DSCAML1: variants seen among roughly 807,000 people sequenced by gnomAD.
DSCAML1 encodes DS cell adhesion molecule like 1, also known as cell adhesion molecule DSCAML1.
In DSCAML1, 38 loss-of-function variants were observed where a neutral mutation model predicts 200.5. The ratio of observed to expected loss-of-function variants is 0.19; its 90% CI spans 0.15 to 0.25. The LOEUF is 0.25. DSCAML1 is among the 10% of genes least tolerant of loss of function. The pLI is 1.00. For synonymous variants in DSCAML1, 1,215 were observed against 1,165.0 expected, an observed-to-expected ratio of 1.04 and a Z score of -0.87; for missense variants, 2,223 against 2,858.8, an observed-to-expected ratio of 0.78 and a Z score of 5.07.
intron 21 of DSCAML1, among the ~76,000 whole-genome samples, chr11:117,443,103 T>C (rs1478366401): frequency 1.3e-5 from 2 of 152,226 alleles, no homozygotes; most frequent in East Asian, 3.9e-4. Context: ...TCGTCTGGGC[T>C]GCGGTGGATA....
intron 3 of DSCAML1, among the ~76,000 whole-genome samples, chr11:117,665,404 T>G (rs2052955444): frequency 6.6e-6 from 1 of 152,218 alleles, no homozygotes; most frequent in Non-Finnish European, 1.5e-5. Flanking sequence ...TAACCCTTCC[T>G]GTGGGCACAG....
At chr11:117,627,239 C>T (rs779370891) in intron 3 of DSCAML1, among the ~76,000 whole-genome samples, 25 of 152,154 alleles carry the variant, frequency 1.6e-4, no homozygotes, top group Non-Finnish European at 3.1e-4. Flanking sequence ...TTTTCCCTTC[C>T]GCCCCCGGTC....
intron 1 of DSCAML1, among the ~76,000 whole-genome samples, chr11:117,805,304 C>G (rs528568031): frequency 1.3e-5 from 2 of 152,276 alleles, no homozygotes; most frequent in South Asian, 2.1e-4. Flanking sequence ...CAGAGCTCAG[C>G]TAAGAATGCA....
At chr11:117,501,763 G>A (rs916669732) in intron 11 of DSCAML1, among the ~76,000 whole-genome samples, 3 of 152,140 alleles carry the variant, frequency 2.0e-5, no homozygotes, top group Admixed American at 1.3e-4. Flanking sequence ...GGTGCCCTGA[G>A]CGGGATGACG....
intron 21 of DSCAML1, 88 bp downstream of exon 21, chr11:117,443,798 G>A: frequency 6.7e-7 from 1 of 1,497,554 alleles, no homozygotes; most frequent in South Asian, 1.3e-5. Context: ...AAGCGGAGCA[G>A]GCAGAGACCC....
chr11:117,461,381 G>T (rs1444763232), intron 18 of DSCAML1, 69 bp downstream of exon 18: 2 of 1,600,580 alleles, frequency 1.2e-6, no homozygotes, highest in Non-Finnish European at 1.7e-6. Flanking sequence ...CTCTAACTAC[G>T]CCTGGAAGCA....
At chr11:117,651,908 C>T (rs758703342) in intron 3 of DSCAML1, among the ~76,000 whole-genome samples, 6 of 152,172 alleles carry the variant, frequency 3.9e-5, no homozygotes, top group Admixed American at 6.5e-5. Context: ...ACAATGCCTA[C>T]TCTGCAAGTG....
intron 3 of DSCAML1, among the ~76,000 whole-genome samples, chr11:117,586,407 C>T (rs1490917500): frequency 6.6e-6 from 1 of 152,208 alleles, no homozygotes; most frequent in Non-Finnish European, 1.5e-5. Flanking sequence ...AGGACCCCTA[C>T]CCCTTTGCAG....
At chr11:117,797,292 G>GC (rs1165738358), upstream of DSCAML1, 836 of 1,322,632 alleles carry the variant, frequency 6.3e-4, 1 homozygote, top group Admixed American at 8.4e-4. Context: ...CGCTCTCCCC[G>GC]CCCCCCCGCG....
At chr11:117,501,764 C>T (rs941418972) in intron 11 of DSCAML1, among the ~76,000 whole-genome samples, 17 of 151,954 alleles carry the variant, frequency 1.1e-4, no homozygotes, top group Admixed American at 2.0e-4. Context: ...GTGCCCTGAG[C>T]GGGATGACGT....
At chr11:117,582,067 CAT>C (rs2051049034) in intron 3 of DSCAML1, among the ~76,000 whole-genome samples, 1 of 152,184 alleles carries the variant, frequency 6.6e-6, no homozygotes, top group African/African-American at 2.4e-5. Context: ...AAGGGACATG[CAT>C]TTGAGGACAC....
At chr11:117,470,029 G>A in intron 15 of DSCAML1, 49 bp from the exon 16 acceptor site, 2 of 1,523,906 alleles carry the variant, frequency 1.3e-6, no homozygotes, top group Non-Finnish European at 1.8e-6. Context: ...AGACTTGGAA[G>A]AGGAAGGGGT....
Position 117,642,219 on chromosome 11 carries a change from C to T in DSCAML1, c.512-109697G>A, listed in dbSNP as rs1257216420. 1.3e-5 allele frequency among the ~76,000 whole-genome samples: 2 copies of T among 152,202 alleles called. No homozygotes were observed. Among genetic ancestry groups the T allele is most frequent in the Non-Finnish European group, 2.9e-5 (2 of 68,034 alleles). ...GCTCCTGCGGTATCTGAGTCTCTAG[C>T]CCACTTTTGGACACCATAGTGCTAG... On this transcript the variant is annotated intron_variant, in intron 3 of 32. Transcript: ENST00000651296. This position sits in a 1 kb window ranked among gnomAD's most constrained non-coding sequence, Gnocchi z 4.1.
chr11:117,464,534 T>C (rs556333046), intron 17 of DSCAML1, among the ~76,000 whole-genome samples: 2 of 152,112 alleles, frequency 1.3e-5, no homozygotes, highest in South Asian at 4.2e-4. Context: ...TCATCTCAGG[T>C]AGATGGTGGA....
intron 3 of DSCAML1, among the ~76,000 whole-genome samples, chr11:117,669,215 G>A (rs951525740): frequency 2.6e-5 from 4 of 152,318 alleles, no homozygotes; most frequent in Admixed American, 6.5e-5. Context: ...GCTGGGGAGT[G>A]CAGCCCTCAA....
At chr11:117,695,324 T>C (rs1421472090) in intron 3 of DSCAML1, among the ~76,000 whole-genome samples, 5 of 149,716 alleles carry the variant, frequency 3.3e-5, no homozygotes, top group African/African-American at 1.2e-4. Flanking sequence ...TCTTTTTTTT[T>C]TTTTTTTTTT....
intron 3 of DSCAML1, among the ~76,000 whole-genome samples, chr11:117,680,427 A>G (rs1208480949): frequency 6.6e-6 from 1 of 152,190 alleles, no homozygotes; most frequent in Non-Finnish European, 1.5e-5. Context: ...TAGGCCACAG[A>G]GCAGAAAGTG....
chr11:117,725,202 G>A (rs1893036), intron 3 of DSCAML1, among the ~76,000 whole-genome samples: 149,302 of 152,296 alleles, frequency 0.98, 73,264 homozygotes, highest in Middle Eastern at 1. Context: ...CTCCGTGGAC[G>A]GGAGGCAAGT....
At chr11:117,689,526 C>T (rs990413047) in intron 3 of DSCAML1, among the ~76,000 whole-genome samples, 3 of 152,240 alleles carry the variant, frequency 2.0e-5, no homozygotes, top group Non-Finnish European at 2.9e-5. Flanking sequence ...TTTCTGGAAA[C>T]TCCTTCCCTG....
Sources: gnomAD v4.1 joint callset for allele counts (sites outside exome capture counted in the v4.1 genomes callset) on GRCh38, gnomAD v4.1.1 for gene constraint, Gnocchi (gnomAD v3.1) non-coding constraint, MANE v1.5 for transcripts, NCBI Gene and HGNC (gene_info 2026-07-23, HGNC 2026-07-21) for gene names.